The following ANKRD44 variants were observed in gnomAD, a reference collection of about 807,000 sequenced individuals.
ANKRD44 encodes ankyrin repeat domain 44, also known as serine/threonine-protein phosphatase 6 regulatory ankyrin repeat subunit B.
A neutral mutation model predicts 116.0 loss-of-function variants in ANKRD44; 35 were observed. The ratio of observed to expected loss-of-function variants is 0.30; its 90% CI spans 0.23 to 0.40. ANKRD44 has a LOEUF of 0.40. ANKRD44 is among the 10% of genes least tolerant of loss of function. The pLI, the probability that ANKRD44 is intolerant of heterozygous loss-of-function variation, is 1.00. For synonymous variants in ANKRD44, 435 were observed against 461.8 expected (o/e 0.94, Z 0.74); for missense variants, 1,014 against 1,242.6 (o/e 0.82, Z 2.77).
intron 4 of ANKRD44, among the ~76,000 whole-genome samples, chr2:197,128,251 C>T (rs2079021994): frequency 1.3e-5 from 2 of 152,204 alleles, no homozygotes; most frequent in South Asian, 4.1e-4. Context: ...CTAATTTATT[C>T]CCACCAACAG....
chr2:197,041,641 T>A (rs1462895310), intron 16 of ANKRD44, among the ~76,000 whole-genome samples: 1 of 152,144 alleles, frequency 6.6e-6, no homozygotes, highest in Non-Finnish European at 1.5e-5. Context: ...TCACAATGCA[T>A]CTTCCTGTCT....
intron 9 of ANKRD44, among the ~76,000 whole-genome samples, chr2:197,108,894 A>T (rs1336062131): frequency 2.0e-5 from 3 of 152,144 alleles, no homozygotes; most frequent in East Asian, 1.9e-4. Context: ...AAACAAAAAA[A>T]GTCTAGCAAG....
chr2:197,227,677 G>A (rs2081752095), intron 1 of ANKRD44, among the ~76,000 whole-genome samples: 1 of 152,158 alleles, frequency 6.6e-6, no homozygotes, highest in African/African-American at 2.4e-5. Context: ...AGAACAACGG[G>A]AGAGTTGAAT....
At chr2:197,123,997 T>C (rs1290116552) in intron 6 of ANKRD44, among the ~76,000 whole-genome samples, 1 of 152,194 alleles carries the variant, frequency 6.6e-6, no homozygotes, top group Non-Finnish European at 1.5e-5. Context: ...TAACTGTATA[T>C]ACATCAGCAG....
chr2:197,014,186 T>C (rs1395267583), intron 17 of ANKRD44, among the ~76,000 whole-genome samples: 4 of 152,198 alleles, frequency 2.6e-5, no homozygotes, highest in African/African-American at 2.4e-5. Context: ...GGCATGTAGA[T>C]GTTCTGTTAT....
At chr2:197,125,073 T>G (rs907490502) in intron 6 of ANKRD44, among the ~76,000 whole-genome samples, 2 of 152,272 alleles carry the variant, frequency 1.3e-5, no homozygotes, top group African/African-American at 4.8e-5. Flanking sequence ...ACACCTTATT[T>G]TACTGCCATG....
intron 7 of ANKRD44, 126 bp from the exon 8 acceptor site, chr2:197,121,670 C>G: frequency 1.2e-6 from 1 of 818,914 alleles, no homozygotes; most frequent in South Asian, 1.7e-5. Context: ...TTGTTCAGAG[C>G]TTACTCTTGC....
intron 8 of ANKRD44, among the ~76,000 whole-genome samples, chr2:197,112,887 T>C (rs1190633170): frequency 6.6e-6 from 1 of 152,062 alleles, no homozygotes; most frequent in African/African-American, 2.4e-5. Flanking sequence ...AAGCATTTTA[T>C]TATATTCTAT....
intron 16 of ANKRD44, among the ~76,000 whole-genome samples, chr2:197,075,391 T>C (rs1262761091): frequency 6.6e-6 from 1 of 152,188 alleles, no homozygotes; most frequent in Non-Finnish European, 1.5e-5. Context: ...GCCAATACCC[T>C]TCCTCCACTC....
At chr2:197,156,521 G>C (rs2079819503) in intron 2 of ANKRD44, among the ~76,000 whole-genome samples, 1 of 152,206 alleles carries the variant, frequency 6.6e-6, no homozygotes, top group Non-Finnish European at 1.5e-5. Context: ...AAATGATATA[G>C]TCACTTTGAA....
intron 16 of ANKRD44, chr2:197,029,471 C>T (rs977118638): frequency 2.4e-6 from 1 of 410,566 alleles, no homozygotes; most frequent in African/African-American, 2.1e-5. Context: ...GGAAGATTTT[C>T]TAGAGGGAAG....
intron 4 of ANKRD44, among the ~76,000 whole-genome samples, chr2:197,130,777 A>G (rs1185856006): frequency 6.6e-6 from 1 of 152,212 alleles, no homozygotes; most frequent in Non-Finnish European, 1.5e-5. Flanking sequence ...TAAGCCCACA[A>G]TAATGATCAT....
intron 1 of ANKRD44, among the ~76,000 whole-genome samples, chr2:197,214,714 G>A (rs1446853439): frequency 1.3e-5 from 2 of 152,104 alleles, no homozygotes; most frequent in African/African-American, 4.8e-5. Context: ...ATTTTAAATG[G>A]AATTTTAAAA....
chr2:197,020,803 T>A (rs148427922), intron 17 of ANKRD44, among the ~76,000 whole-genome samples: 31 of 146,670 alleles, frequency 2.1e-4, no homozygotes, highest in African/African-American at 6.9e-4. Flanking sequence ...TATGGAGTTT[T>A]TTATTATTAT....
intron 17 of ANKRD44, among the ~76,000 whole-genome samples, 199 bp downstream of exon 17, chr2:197,024,997 T>C (rs1301673235): frequency 1.3e-5 from 2 of 152,240 alleles, no homozygotes; most frequent in Non-Finnish European, 2.9e-5. Context: ...GGGTAAGTCA[T>C]GTGTCTAAGA....
At chr2:197,027,612 G>A (rs184051687) in intron 16 of ANKRD44, among the ~76,000 whole-genome samples, 48 of 151,974 alleles carry the variant, frequency 3.2e-4, no homozygotes, top group African/African-American at 1.0e-3. Flanking sequence ...AGTGAAGAAG[G>A]AGTTTTATGA....
chr2:197,132,805 A>C (rs962513638), intron 4 of ANKRD44, among the ~76,000 whole-genome samples: 8 of 152,240 alleles, frequency 5.3e-5, no homozygotes, highest in African/African-American at 1.7e-4. Context: ...TCAAAAAAAA[A>C]ACAATTCTTT....
At chr2:197,100,921 T>G (rs1424898004) in intron 9 of ANKRD44, among the ~76,000 whole-genome samples, 4 of 152,208 alleles carry the variant, frequency 2.6e-5, no homozygotes, top group Admixed American at 2.6e-4. Context: ...ACAATTGGTC[T>G]ATTCATTCAT....
intron 16 of ANKRD44, among the ~76,000 whole-genome samples, chr2:197,048,661 T>G (rs183457089): frequency 6.6e-6 from 1 of 152,364 alleles, no homozygotes; most frequent in East Asian, 1.9e-4. Flanking sequence ...CACGTGCATG[T>G]GTCTTTATGA....
Sources: allele counts gnomAD v4.1 joint callset (sites outside exome capture counted in the v4.1 genomes callset), GRCh38; gene constraint gnomAD v4.1.1; transcripts MANE v1.5; gene names NCBI Gene and HGNC (gene_info 2026-07-23, HGNC 2026-07-21).